EIF4B: variants seen among roughly 807,000 people sequenced by gnomAD.
The protein encoded by EIF4B is eukaryotic translation initiation factor 4B.
In EIF4B, 8 loss-of-function variants were observed where a neutral mutation model predicts 79.3. The ratio of observed to expected loss-of-function variants is 0.10; its 90% CI spans 0.06 to 0.18. The LOEUF (loss-of-function observed/expected upper bound fraction) is 0.18, where lower values mean the gene tolerates loss of function less well. Among genes scored for constraint, EIF4B ranks in the 10% least tolerant of loss-of-function variants. The pLI is 1.00. For missense variants in EIF4B, 515 were observed against 792.4 expected, an observed-to-expected ratio of 0.65 and a Z score of 4.20; for synonymous variants, 238 against 274.7, an observed-to-expected ratio of 0.87 and a Z score of 1.32.
At chr12:53,022,368 T>C (rs1401698912) in intron 5 of EIF4B, 125 bp from the exon 6 acceptor site, 1 of 1,367,916 alleles carries the variant, frequency 7.3e-7, no homozygotes, top group African/African-American at 1.4e-5. Context: ...GGGCCTGAGG[T>C]AACTGGGATG....
At chr12:53,021,597 C>A (rs955311806) in intron 4 of EIF4B, 1 of 657,278 alleles carries the variant, frequency 1.5e-6, no homozygotes, top group Non-Finnish European at 2.8e-6. Context: ...GTATAATTGA[C>A]CTAATATTCA....
In EIF4B at chr12:53,040,395, T is replaced by G; in HGVS notation, c.*172T>G. The G allele has an allele frequency of 3.2e-6, 2 of 624,642 alleles. No homozygotes were observed. The highest frequency in any genetic ancestry group is 2.7e-6 in the Non-Finnish European group (1 of 374,840). The allele number at this position is 624,642 out of a possible 1,614,324, so 38.7% of individuals were successfully genotyped here. On this transcript the variant is annotated 3_prime_UTR_variant, in exon 15 of 15. Transcript: ENST00000262056. ...TTATTTTGCATGCTGCTGCAGCCTTTAAAGTATTGAAGTAACTGGAGAATT... is the reference window on the plus strand; with the variant it reads ...TTATTTTGCATGCTGCTGCAGCCTTGAAAGTATTGAAGTAACTGGAGAATT...
At chr12:53,034,296 T>A (rs1041372954) in intron 9 of EIF4B, among the ~76,000 whole-genome samples, 2 of 152,206 alleles carry the variant, frequency 1.3e-5, no homozygotes, top group African/African-American at 2.4e-5. Flanking sequence ...AGAGACCTAC[T>A]ATAATAAGTA....
At position 53,030,413 on chromosome 12, in the gene EIF4B, CTTTTTT is replaced by C. The variant is rs759061266; in HGVS notation, c.979+2245_979+2250del. Among the ~76,000 whole-genome samples the C allele has an allele frequency of 2.7e-3, 117 of 43,098 alleles. 1 individual carries two copies. The highest frequency in any genetic ancestry group is 0.02 in the Middle Eastern group (1 of 50). The allele number at this position is 43,098 out of a possible 152,430, so 28.3% of individuals were successfully genotyped here. On this transcript the variant is annotated intron_variant, in intron 8 of 14. Transcript: ENST00000262056. ...GAAATAGGTTTTAAAAAATTATATT[CTTTTTT>C]TTTTTTTTTTTTTTTTTTTGAGACG... is the stretch of plus-strand genomic sequence containing the variant.
At chr12:53,036,205 C>T (rs1262094811) in intron 10 of EIF4B, among the ~76,000 whole-genome samples, 1 of 151,816 alleles carries the variant, frequency 6.6e-6, no homozygotes, top group African/African-American at 2.4e-5. Context: ...CTCTGCCTCC[C>T]GGGTTCAAGT....
chr12:53,007,071 C>T, intron 1 of EIF4B, among the ~76,000 whole-genome samples: 1 of 152,174 alleles, frequency 6.6e-6, no homozygotes. Context: ...AATGCGTGCG[C>T]TAGAACCCAG....
intron 2 of EIF4B, among the ~76,000 whole-genome samples, chr12:53,018,529 G>A (rs1255342858): frequency 6.6e-6 from 1 of 152,076 alleles, no homozygotes; most frequent in African/African-American, 2.4e-5. Flanking sequence ...GGGATATAAT[G>A]AATATAAAGT....
chr12:53,037,811 T>C (rs1943564614), intron 11 of EIF4B, 189 bp downstream of exon 11: 8 of 642,110 alleles, frequency 1.2e-5, no homozygotes, highest in Admixed American at 3.0e-5. Flanking sequence ...TCCACCACTT[T>C]GATAGCTTGA....
intron 8 of EIF4B, among the ~76,000 whole-genome samples, chr12:53,030,584 G>T (rs2120959544): frequency 1.3e-5 from 2 of 151,224 alleles, no homozygotes; most frequent in East Asian, 3.9e-4. Flanking sequence ...GCTAATTTTT[G>T]TATTTTTAGT....
chr12:53,015,978 CA>C (rs11315385), intron 1 of EIF4B, among the ~76,000 whole-genome samples: 102,109 of 124,432 alleles, frequency 0.82, 42,177 homozygotes, highest in Non-Finnish European at 0.93. Context: ...GACTCTGTCT[CA>C]AAAAAAAAAA....
intron 1 of EIF4B, among the ~76,000 whole-genome samples, chr12:53,012,943 A>G (rs995313728): frequency 8.5e-5 from 13 of 152,180 alleles, no homozygotes; most frequent in African/African-American, 2.9e-4. Context: ...GTGGGTGGCA[A>G]TCAGAGGAGG....
In EIF4B at chr12:53,037,620, A is replaced by G. The variant is rs1043421198; in HGVS notation, c.1518A>G (p.Thr506=). ...CAGACACAGAGCAGCAGTCCCCTACAAGGTGAGTCAGTTTGGAAACAGTAG... is the reference window on the plus strand; with the variant it reads ...CAGACACAGAGCAGCAGTCCCCTACGAGGTGAGTCAGTTTGGAAACAGTAG... ...QSSDTEQQSP[T]SGGGKVAPAQ... Residue 506 remains threonine (T), a splice_region_variant and synonymous_variant, in exon 11 of 15, where the codon ACA becomes ACG. Transcript: ENST00000262056. 1.9e-6 allele frequency: 3 copies of G among 1,613,656 alleles called. No homozygotes were observed. The highest frequency in any genetic ancestry group is 2.7e-5 in the African/African-American group (2 of 74,904).
intron 8 of EIF4B, among the ~76,000 whole-genome samples, chr12:53,033,452 C>T (rs1943484116): frequency 1.3e-5 from 2 of 151,884 alleles, no homozygotes; most frequent in Admixed American, 1.3e-4. Context: ...AAGCAATTCT[C>T]TTGCCTCAGC....
rs1244899513 is a variant in EIF4B, at chr12:53,028,115, T to C, written c.906T>C (p.Tyr302=). 5 of 1,614,058 alleles carry C rather than the reference T, an allele frequency of 3.1e-6. No individual in the cohort carries two copies. Among genetic ancestry groups the C allele is most frequent in the East Asian group, 2.2e-5 (1 of 44,884 alleles). Residue 302 remains tyrosine, a synonymous_variant, in exon 8 of 15, where the codon TAT becomes TAC. Coordinates refer to ENST00000262056, the MANE Select transcript of EIF4B (RefSeq NM_001417.7). ...RGGGDRYEDR[Y]DRRDDRSWSS... Reference sequence around the variant, plus strand: ...GCGGGGACCGCTATGAAGACCGATATGACAGACGGGATGATCGGTCGTGGA... The same window carrying C: ...GCGGGGACCGCTATGAAGACCGATACGACAGACGGGATGATCGGTCGTGGA...
At chr12:53,018,386 C>T (rs1429586814) in intron 2 of EIF4B, among the ~76,000 whole-genome samples, 1 of 152,152 alleles carries the variant, frequency 6.6e-6, no homozygotes. Context: ...TTAAATATAC[C>T]TGGAGTAAGA....
rs1165323835 is a variant in EIF4B, at chr12:53,022,363, T to G, written c.533-130T>G. On this transcript the variant is annotated intron_variant, in intron 5 of 14. Transcript: ENST00000262056. ...AATTGGAGCATGTACTTATGGGGCCTGAGGTAACTGGGATGACAGTGTGAC... is the reference window on the plus strand; with the variant it reads ...AATTGGAGCATGTACTTATGGGGCCGGAGGTAACTGGGATGACAGTGTGAC... 4 of 1,320,864 alleles carry G rather than the reference T, an allele frequency of 3.0e-6. No individual in the cohort carries two copies. In the African/African-American group the frequency reaches 4.3e-5, roughly 14 times the overall value. 81.8% of individuals were successfully genotyped at this position (1,320,864 alleles called of 1,614,324 possible). A position where few individuals can be genotyped will look rare whatever the true frequency, so the allele number is the denominator to read the frequency against.
In EIF4B at chr12:53,027,794, G is replaced by A. The variant is rs763817075; in HGVS notation, c.680G>A (p.Arg227His). ...CTGTTTCCTCTAGAGTATCGAGATC[G>A]TTATGATTCAGACCGGTATCGGGAT... Reference protein sequence around the residue: ...DDSFGDKYRDRYDSDRYRDGY... With the variant: ...DDSFGDKYRDHYDSDRYRDGY... Residue 227 changes from arginine to histidine, a missense_variant, in exon 7 of 15, where the codon CGT (arginine) becomes CAT (histidine). By Grantham distance (29) the Arg-to-His change is conservative. Transcript: ENST00000262056. 13 of 1,613,246 alleles carry A rather than the reference G, an allele frequency of 8.1e-6. No individual in the cohort carries two copies. Among genetic ancestry groups the A allele is most frequent in the South Asian group, 7.7e-5 (7 of 91,046 alleles).
chr12:53,016,802 G>C (rs1445982600), intron 2 of EIF4B, among the ~76,000 whole-genome samples, 192 bp downstream of exon 2: 1 of 152,222 alleles, frequency 6.6e-6, no homozygotes, highest in African/African-American at 2.4e-5. Context: ...GAAGACTGAA[G>C]TGGTCATTTA....
chr12:53,040,077 T>C, intron 14 of EIF4B, 66 bp from the exon 15 acceptor site: 1 of 1,570,856 alleles, frequency 6.4e-7, no homozygotes, highest in Non-Finnish European at 8.8e-7. Flanking sequence ...ATCAGTATCC[T>C]GTGTCTTGGG....
Sources: gnomAD v4.1 joint callset for allele counts (sites outside exome capture counted in the v4.1 genomes callset) on GRCh38, gnomAD v4.1.1 for gene constraint, MANE v1.5 for transcripts, NCBI Gene and HGNC (gene_info 2026-07-23, HGNC 2026-07-21) for gene names.